ENTREP2: variants seen among roughly 807,000 people sequenced by gnomAD.
ENTREP2 encodes protein ENTREP2.
At chr15:29,488,820 G>C in the ENTREP2 span, among the ~76,000 whole-genome samples, 1 of 152,094 alleles carries the variant, frequency 6.6e-6, no homozygotes, top group Admixed American at 6.5e-5. Flanking sequence ...AGCATTGTAT[G>C]ATACATCCTA....
the ENTREP2 span, among the ~76,000 whole-genome samples, chr15:29,389,352 T>C: frequency 6.6e-6 from 1 of 152,138 alleles, no homozygotes; most frequent in Non-Finnish European, 1.5e-5. Flanking sequence ...CACTGGATTG[T>C]TGTTCCAAAA....
At chr15:29,533,626 C>T in the ENTREP2 span, among the ~76,000 whole-genome samples, 2 of 152,218 alleles carry the variant, frequency 1.3e-5, no homozygotes, top group East Asian at 3.9e-4. Flanking sequence ...CCATTGAGCT[C>T]CCTGCCCATA....
chr15:29,352,924 C>T, the ENTREP2 span, among the ~76,000 whole-genome samples: 1 of 152,274 alleles, frequency 6.6e-6, no homozygotes, highest in Non-Finnish European at 1.5e-5. Context: ...TATTAGTCAA[C>T]ATACATAATG....
chr15:29,434,404 T>C, the ENTREP2 span, among the ~76,000 whole-genome samples: 8 of 152,236 alleles, frequency 5.3e-5, no homozygotes, highest in South Asian at 2.1e-4. Flanking sequence ...ATGTGATTAC[T>C]GGATGTTTGG....
At chr15:29,299,158 T>G in the ENTREP2 span, among the ~76,000 whole-genome samples, 4 of 150,312 alleles carry the variant, frequency 2.7e-5, no homozygotes, top group African/African-American at 7.5e-5. Context: ...TACAGAACTG[T>G]GTTCAACAAG....
chr15:29,541,904 T>C, the ENTREP2 span, among the ~76,000 whole-genome samples: 3 of 152,214 alleles, frequency 2.0e-5, no homozygotes, highest in African/African-American at 7.2e-5. Flanking sequence ...TCTTTCTTCT[T>C]CCAAATAAGC....
the ENTREP2 span, chr15:29,136,988 G>A: frequency 7.2e-7 from 1 of 1,382,714 alleles, no homozygotes; most frequent in Non-Finnish European, 9.4e-7. Flanking sequence ...GGACACTGCT[G>A]CCCATCTTAG....
chr15:29,297,339 G>C, the ENTREP2 span, among the ~76,000 whole-genome samples: 1 of 152,144 alleles, frequency 6.6e-6, no homozygotes, highest in African/African-American at 2.4e-5. Context: ...TAATTGCAGG[G>C]AGTAAAACAT....
the ENTREP2 span, among the ~76,000 whole-genome samples, chr15:29,623,121 G>T: frequency 6.6e-6 from 1 of 152,194 alleles, no homozygotes; most frequent in East Asian, 1.9e-4. Context: ...GGTGAAGAAT[G>T]AAGAATTCCT....
chr15:29,570,646 C>T, the ENTREP2 span: 1 of 1,353,580 alleles, frequency 7.4e-7, no homozygotes, highest in Non-Finnish European at 9.5e-7. Flanking sequence ...GGGAGCGGCC[C>T]GGGCACTCGC....
the ENTREP2 span, among the ~76,000 whole-genome samples, chr15:29,399,617 G>C: frequency 6.6e-6 from 1 of 152,112 alleles, no homozygotes; most frequent in African/African-American, 2.4e-5. Context: ...GGTGTTAGGG[G>C]CACCAACCTC....
the ENTREP2 span, among the ~76,000 whole-genome samples, chr15:29,597,696 G>A: frequency 2.6e-5 from 4 of 152,068 alleles, no homozygotes; most frequent in Non-Finnish European, 5.9e-5. Flanking sequence ...AGGATATATT[G>A]GTTGCTTCTA....
chr15:29,279,014 C>T, the ENTREP2 span, among the ~76,000 whole-genome samples: 1 of 152,172 alleles, frequency 6.6e-6, no homozygotes, highest in African/African-American at 2.4e-5. Flanking sequence ...CATGTACATC[C>T]CTGGTGTCTC....
At chr15:29,526,707 C>T in the ENTREP2 span, among the ~76,000 whole-genome samples, 1 of 151,852 alleles carries the variant, frequency 6.6e-6, no homozygotes, top group African/African-American at 2.4e-5. Context: ...TGGGCCATAG[C>T]AATCCTCCCG....
At chr15:29,277,047 T>C in the ENTREP2 span, among the ~76,000 whole-genome samples, 1 of 152,150 alleles carries the variant, frequency 6.6e-6, no homozygotes. Flanking sequence ...CTTTTCCATA[T>C]GGAAAGTATA....
At chr15:29,123,859 G>T in the ENTREP2 span, among the ~76,000 whole-genome samples, 1 of 152,168 alleles carries the variant, frequency 6.6e-6, no homozygotes, top group South Asian at 2.1e-4. Flanking sequence ...AGGGGCTGCA[G>T]CCTCCAGGAG....
the ENTREP2 span, among the ~76,000 whole-genome samples, chr15:29,565,893 G>A: frequency 8.6e-5 from 13 of 151,638 alleles, no homozygotes; most frequent in East Asian, 9.9e-4. Context: ...CCCGGGAGGC[G>A]GAGTTTGCAG....
chr15:29,369,348 C>A, the ENTREP2 span, among the ~76,000 whole-genome samples: 1 of 151,882 alleles, frequency 6.6e-6, no homozygotes, highest in East Asian at 1.9e-4. Context: ...AGTGACTTAC[C>A]ACATACAAGG....
chr15:29,642,514 ATACATATATACACATATATATCATATG>A, the ENTREP2 span, among the ~76,000 whole-genome samples: 95 of 148,158 alleles, frequency 6.4e-4, no homozygotes, highest in Non-Finnish European at 1.1e-3. Context: ...TATATCATAT[ATACATATATACACATATATATCATATG>A]TACATATATA....
Sources: gnomAD v4.1 joint callset for allele counts (sites outside exome capture counted in the v4.1 genomes callset) on GRCh38, gnomAD v4.1.1 for gene constraint, MANE v1.5 for transcripts, NCBI Gene and HGNC (gene_info 2026-07-23, HGNC 2026-07-21) for gene names.